The following PTPRN2 variants were observed in gnomAD, a reference collection of about 807,000 sequenced individuals.
PTPRN2 encodes the protein protein tyrosine phosphatase receptor type N2.
Under a neutral mutation model 118.8 loss-of-function variants are expected in PTPRN2, and 74 were observed. That is an observed-to-expected ratio of 0.62 (90% CI 0.52 to 0.76). The LOEUF (loss-of-function observed/expected upper bound fraction) is 0.76. Among genes scored for constraint, PTPRN2 ranks in the 30% least tolerant of loss-of-function variants. PTPRN2 has a pLI of 0.00. For synonymous variants in PTPRN2, 641 were observed against 608.0 expected (o/e 1.05, Z -0.80); for missense variants, 1,481 against 1,394.4 (o/e 1.06, Z -0.99).
intron 1 of PTPRN2, among the ~76,000 whole-genome samples, chr7:158,569,998 C>T (rs1348445044): frequency 6.6e-6 from 1 of 152,168 alleles, no homozygotes; most frequent in African/African-American, 2.4e-5. Flanking sequence ...CGGGGGAGCC[C>T]AGAGCCCACG....
intron 2 of PTPRN2, among the ~76,000 whole-genome samples, chr7:158,327,232 CAT>C (rs1163204963): frequency 2.0e-5 from 3 of 152,066 alleles, no homozygotes; most frequent in African/African-American, 7.2e-5. Context: ...TAAACATTCT[CAT>C]ATCCACATAC....
chr7:157,780,770 C>T lies in PTPRN2; in HGVS notation c.1789-97833G>A, dbSNP rs571259481. ...TGACACTGTTGCTTGCATGTGCCCC[C>T]GGGCCAAGGTGGACGAGCTCTCCAA... On this transcript the variant is annotated intron_variant, in intron 12 of 22. Coordinates refer to ENST00000389418, the MANE Select transcript of PTPRN2 (RefSeq NM_002847.5). The surrounding 1 kb of genome is among the most constrained non-coding windows in gnomAD (Gnocchi z 4.5). Among the ~76,000 whole-genome samples, 5 of 152,304 alleles carry T rather than the reference C, an allele frequency of 3.3e-5. No homozygotes were observed. The highest frequency in any genetic ancestry group is 2.1e-4 in the South Asian group (1 of 4,830).
chr7:158,317,572 CAATT>C (rs1802439085), intron 2 of PTPRN2, among the ~76,000 whole-genome samples: 1 of 152,196 alleles, frequency 6.6e-6, no homozygotes, highest in East Asian at 1.9e-4. Context: ...ATTTAGTCCC[CAATT>C]AGTCTTTATT....
intron 3 of PTPRN2, among the ~76,000 whole-genome samples, chr7:158,242,960 AAAC>A (rs1237281000): frequency 2.0e-5 from 3 of 152,230 alleles, no homozygotes; most frequent in East Asian, 3.8e-4. Flanking sequence ...CTTTTCAACA[AAAC>A]AACTCCCAAT....
At chr7:157,832,173 G>A (rs914286221) in intron 12 of PTPRN2, among the ~76,000 whole-genome samples, 5 of 152,236 alleles carry the variant, frequency 3.3e-5, no homozygotes, top group African/African-American at 1.2e-4. Flanking sequence ...CAGGACTCGA[G>A]CTCTGTGTTA....
rs1340139130 is a variant in PTPRN2 at position 157,615,597 on chromosome 7, C to G, written c.2344+5765G>C. The G allele has an allele frequency of 4.2e-6, 2 of 471,192 alleles. No individual in the cohort carries two copies. Among genetic ancestry groups the G allele is most frequent in the Non-Finnish European group, 8.8e-6 (2 of 227,062 alleles). The allele number at this position is 471,192 out of a possible 1,614,324, so 29.2% of individuals were successfully genotyped here. A position where few individuals can be genotyped will look rare whatever the true frequency, so the allele number is the denominator to read the frequency against. On this transcript the variant is annotated intron_variant, in intron 15 of 22. Coordinates refer to ENST00000389418, the MANE Select transcript of PTPRN2 (RefSeq NM_002847.5). This position sits in a 1 kb window ranked among gnomAD's most constrained non-coding sequence, Gnocchi z 4.3. ...CCTGGGAAGTCCCGCGGTGGATCCGCGTCACGGGGGAGGATTGGCTCAGCA... is the reference window on the plus strand; with the variant it reads ...CCTGGGAAGTCCCGCGGTGGATCCGGGTCACGGGGGAGGATTGGCTCAGCA...
chr7:158,015,546 G>A lies in PTPRN2; in HGVS notation c.1723+65752C>T, dbSNP rs73169759. On this transcript the variant is annotated intron_variant, in intron 11 of 22. Transcript: ENST00000389418. This position sits in a 1 kb window ranked among gnomAD's most constrained non-coding sequence, Gnocchi z 4.2. ...AGACAGAAAGGTCCTCACCGCCCCCGCCCCTCACCCCTGTATGTGCATCTG... is the reference window on the plus strand; with the variant it reads ...AGACAGAAAGGTCCTCACCGCCCCCACCCCTCACCCCTGTATGTGCATCTG... Among the ~76,000 whole-genome samples the A allele has an allele frequency of 0.14, 20,942 of 149,900 alleles. 1,503 individuals carry two copies. Among genetic ancestry groups the A allele is most frequent in the Admixed American group, 0.17 (2,486 of 15,044 alleles).
rs995423892 is a variant in PTPRN2, at chr7:157,690,938, G to T, written c.1789-8001C>A. Among the ~76,000 whole-genome samples, 1 of 145,760 alleles carries T rather than the reference G, an allele frequency of 6.9e-6. No individual in the cohort carries two copies. Among genetic ancestry groups the T allele is most frequent in the Non-Finnish European group, 1.5e-5 (1 of 65,598 alleles). ...TCAGGGCGGGCTCCGGACGGTCCCG[G>T]TAGGGCCGCCGGCCGCGCGCGTAGC... is the stretch of plus-strand genomic sequence containing the variant. On this transcript the variant is annotated intron_variant, in intron 12 of 22. Coordinates refer to ENST00000389418, the MANE Select transcript of PTPRN2 (RefSeq NM_002847.5). The surrounding 1 kb of genome is among the most constrained non-coding windows in gnomAD (Gnocchi z 7.1).
intron 12 of PTPRN2, among the ~76,000 whole-genome samples, chr7:157,774,560 G>A (rs989392666): frequency 3.9e-5 from 6 of 152,254 alleles, no homozygotes; most frequent in African/African-American, 1.4e-4. Flanking sequence ...TCTAGGTTGT[G>A]AGACCACACA....
intron 3 of PTPRN2, among the ~76,000 whole-genome samples, chr7:158,268,324 A>G (rs1798023605): frequency 6.7e-6 from 1 of 149,838 alleles, no homozygotes; most frequent in African/African-American, 2.5e-5. Flanking sequence ...TCCCAGCCGC[A>G]CGCACACAGG....
chr7:157,825,417 C>T (rs1046620796), intron 12 of PTPRN2, among the ~76,000 whole-genome samples: 3 of 152,172 alleles, frequency 2.0e-5, no homozygotes, highest in Non-Finnish European at 2.9e-5. Context: ...GCCTCCCCCC[C>T]AGACTTCTTC....
chr7:158,139,070 T>A (rs1563494381), intron 6 of PTPRN2, among the ~76,000 whole-genome samples: 2 of 152,084 alleles, frequency 1.3e-5, no homozygotes, highest in Admixed American at 1.3e-4. Context: ...AGAAAGTAAC[T>A]GCTGCCGGAA....
intron 2 of PTPRN2, among the ~76,000 whole-genome samples, chr7:158,332,762 C>A (rs1341427696): frequency 6.6e-6 from 1 of 151,538 alleles, no homozygotes; most frequent in Non-Finnish European, 1.5e-5. Flanking sequence ...ACAGAGGACA[C>A]TCACACCCAT....
intron 11 of PTPRN2, among the ~76,000 whole-genome samples, chr7:157,950,365 T>C (rs965202695): frequency 6.6e-6 from 1 of 152,198 alleles, no homozygotes; most frequent in African/African-American, 2.4e-5. Context: ...CTCTAAAATG[T>C]TCAGATGCAT....
At position 158,382,123 on chromosome 7, in the gene PTPRN2, GGT is replaced by G. The variant is rs1454291766; in HGVS notation, c.164-65193_164-65192del. Among the ~76,000 whole-genome samples the G allele has an allele frequency of 1.8e-4, 27 of 152,212 alleles. 1 individual carries two copies. Among genetic ancestry groups the G allele is most frequent in the Admixed American group, 1.8e-3 (27 of 15,276 alleles). On this transcript the variant is annotated intron_variant, in intron 2 of 22. Coordinates refer to ENST00000389418, the MANE Select transcript of PTPRN2 (RefSeq NM_002847.5). Reference sequence around the variant, plus strand: ...TGAGAGCCACAGCCAGGAGAGAAATGGTGGGCAGGACCCACTACAGGTCCACC... The same window carrying G: ...TGAGAGCCACAGCCAGGAGAGAAATGGGGCAGGACCCACTACAGGTCCACC...
chr7:157,997,485 T>C, intron 11 of PTPRN2, among the ~76,000 whole-genome samples: 1 of 152,190 alleles, frequency 6.6e-6, no homozygotes, highest in Non-Finnish European at 1.5e-5. Context: ...ATTCCTGCCA[T>C]CCACACTGGC....
At chr7:158,305,426 G>C (rs920509184) in intron 3 of PTPRN2, among the ~76,000 whole-genome samples, 1 of 152,080 alleles carries the variant, frequency 6.6e-6, no homozygotes, top group Non-Finnish European at 1.5e-5. Flanking sequence ...GAGGTGGAGA[G>C]AGAAAGAGAA....
Position 158,459,219 on chromosome 7 carries a change from C to T in PTPRN2, c.163+30516G>A, listed in dbSNP as rs116947909. ...GTTGCACAAGCACACATGCATGCTG[C>T]ACCACAACACCCAGATGAGAATCCA... On this transcript the variant is annotated intron_variant, in intron 2 of 22. Transcript: ENST00000389418. Among the ~76,000 whole-genome samples, 295 of 152,344 alleles carry T rather than the reference C, an allele frequency of 1.9e-3. 7 individuals are homozygous for T. The East Asian group carries it at 0.053, about 27-fold the overall frequency.
At chr7:157,576,583 A>G (rs1436329079) in intron 19 of PTPRN2, 30 bp downstream of exon 19, 2 of 1,586,684 alleles carry the variant, frequency 1.3e-6, no homozygotes, top group Non-Finnish European at 1.7e-6. Flanking sequence ...CTCAGCGCGC[A>G]CTGCCCTGCC....
Sources: allele counts gnomAD v4.1 joint callset (sites outside exome capture counted in the v4.1 genomes callset), GRCh38; gene constraint gnomAD v4.1.1; non-coding constraint Gnocchi (gnomAD v3.1); transcripts MANE v1.5; gene names NCBI Gene and HGNC (gene_info 2026-07-23, HGNC 2026-07-21).